Variants in MLIP observed in about 807,000 individuals in gnomAD.
MLIP encodes the protein muscular LMNA-interacting protein.
A neutral mutation model predicts 84.8 loss-of-function variants in MLIP; 79 were observed. The observed-to-expected ratio is 0.93, with a 90% CI of 0.78 to 1.12. The LOEUF is 1.12. Ranked by LOEUF, MLIP falls within the 50% of genes most tolerant of loss-of-function variation. The pLI is 0.00. For missense variants in MLIP, 1,257 were observed against 1,160.6 expected (o/e 1.08, Z -1.21); for synonymous variants, 504 against 463.0 (o/e 1.09, Z -1.14).
chr6:54,126,406 A>T (rs980407030), intron 3 of MLIP, among the ~76,000 whole-genome samples: 7 of 152,074 alleles, frequency 4.6e-5, no homozygotes, highest in South Asian at 2.1e-4. Flanking sequence ...AAAAAAGGTT[A>T]TTTAGGAGCA....
At chr6:54,141,724 T>C (rs1258400841) in intron 4 of MLIP, among the ~76,000 whole-genome samples, 5 of 152,220 alleles carry the variant, frequency 3.3e-5, no homozygotes, top group Non-Finnish European at 7.3e-5. Context: ...TGCCTTCATT[T>C]ATAAAAGAAT....
intron 12 of MLIP, among the ~76,000 whole-genome samples, 200 bp downstream of exon 12, chr6:54,231,117 A>G (rs749753705): frequency 1.3e-4 from 20 of 148,574 alleles, no homozygotes; most frequent in Non-Finnish European, 2.5e-4. Flanking sequence ...GAAATAATAA[A>G]CATTTATATA....
intron 1 of MLIP, among the ~76,000 whole-genome samples, chr6:54,082,353 T>G (rs936194671): frequency 6.6e-6 from 1 of 152,220 alleles, no homozygotes; most frequent in Non-Finnish European, 1.5e-5. Flanking sequence ...TTGGCCAGTT[T>G]GGAGGAACTG....
At chr6:54,210,137 T>TCACCA (rs1554185042) in intron 11 of MLIP, among the ~76,000 whole-genome samples, 1 of 151,744 alleles carries the variant, frequency 6.6e-6, no homozygotes, top group Non-Finnish European at 1.5e-5. Flanking sequence ...CCACCTCACC[T>TCACCA]CACCGCACCG....
chr6:54,198,084 T>A (rs755272000), intron 10 of MLIP, among the ~76,000 whole-genome samples: 23 of 152,110 alleles, frequency 1.5e-4, no homozygotes, highest in Non-Finnish European at 1.9e-4. Flanking sequence ...CTTAGAAAGA[T>A]CTATCTCTAC....
intron 1 of MLIP, among the ~76,000 whole-genome samples, chr6:54,077,037 C>T (rs1451377811): frequency 6.6e-6 from 1 of 152,170 alleles, no homozygotes; most frequent in Non-Finnish European, 1.5e-5. Flanking sequence ...AGAACAAATA[C>T]TGAGAGAACC....
chr6:54,080,642 AT>A lies in MLIP; in HGVS notation c.64-40800del, dbSNP rs1284359654. Reference sequence around the variant, plus strand: ...ACACATTTTTTGTCTGAGAAAACATATTTTTATATATAAATTGTTACATATG... The same window carrying A: ...ACACATTTTTTGTCTGAGAAAACATATTTTATATATAAATTGTTACATATG... On this transcript the variant is annotated intron_variant, in intron 1 of 12. Coordinates refer to the MLIP transcript ENST00000274897. Among the ~76,000 whole-genome samples the A allele has an allele frequency of 2.1e-4, 29 of 139,916 alleles. No individual in the cohort carries two copies. In the East Asian group the frequency reaches 5.6e-3, roughly 27 times the overall value. The allele number at this position is 139,916 out of a possible 152,430, so 91.8% of individuals were successfully genotyped here.
rs562250772 is a variant in MLIP at position 54,215,446 on chromosome 6, A to T, written c.2718+13213A>T. The T allele has an allele frequency of 5.5e-5, 64 of 1,173,962 alleles. No individual in the cohort carries two copies. The African/African-American group carries it at 8.4e-4, about 15-fold the overall frequency. 72.7% of individuals were successfully genotyped at this position (1,173,962 alleles called of 1,614,324 possible). A position where few individuals can be genotyped will look rare whatever the true frequency, so the allele number is the denominator to read the frequency against. ...TTTTTTAAAAGTATAATTTCTTTAA[A>T]TTTTTTCCAAGTGCTTTCATCTTTA... is the stretch of plus-strand genomic sequence containing the variant. On this transcript the variant is annotated intron_variant, in intron 11 of 13. Coordinates refer to ENST00000502396, the MANE Select transcript of MLIP (RefSeq NM_001281747.2).
At chr6:54,022,650 A>T (rs1763559114) in intron 1 of MLIP, among the ~76,000 whole-genome samples, 1 of 151,956 alleles carries the variant, frequency 6.6e-6, no homozygotes. Context: ...ACTTATATTT[A>T]CCTTCTACTG....
At chr6:54,026,918 T>C (rs995618705) in intron 1 of MLIP, among the ~76,000 whole-genome samples, 1 of 152,176 alleles carries the variant, frequency 6.6e-6, no homozygotes, top group African/African-American at 2.4e-5. Context: ...ATCTACAAAG[T>C]GAAAGGTTGG....
At chr6:54,186,939 C>G (rs1777452547) in intron 9 of MLIP, among the ~76,000 whole-genome samples, 1 of 152,060 alleles carries the variant, frequency 6.6e-6, no homozygotes, top group South Asian at 2.1e-4. Context: ...CACTGTGTAA[C>G]AAGTTTAAGA....
chr6:54,021,594 A>G (rs187776144), intron 1 of MLIP, among the ~76,000 whole-genome samples: 31 of 152,342 alleles, frequency 2.0e-4, no homozygotes, highest in Admixed American at 1.8e-3. Context: ...ATTCTTTGCT[A>G]CACATCCAAT....
intron 1 of MLIP, among the ~76,000 whole-genome samples, chr6:54,035,821 C>A (rs530228510): frequency 2.4e-4 from 36 of 151,796 alleles, no homozygotes; most frequent in African/African-American, 8.0e-4. Context: ...TTTTTGTTTT[C>A]TTCTTGTTAA....
Position 54,264,824 on chromosome 6 carries a change from T to G in MLIP, c.2977-1126T>G, listed in dbSNP as rs182193437. On this transcript the variant is annotated intron_variant, in intron 13 of 13. Coordinates refer to ENST00000502396, the MANE Select transcript of MLIP (RefSeq NM_001281747.2). ...TACTTCTTACTTTTTGCCTGTTGAT[T>G]TTCTATGGCCAGAACAAACCAGAGC... is the stretch of plus-strand genomic sequence containing the variant. Among the ~76,000 whole-genome samples, 53 of 152,218 alleles carry G rather than the reference T, an allele frequency of 3.5e-4. 1 individual carries two copies. The highest frequency in any genetic ancestry group is 6.6e-5 in the Admixed American group (1 of 15,252).
chr6:54,097,150 T>C (rs1768273057), intron 1 of MLIP, among the ~76,000 whole-genome samples: 1 of 152,206 alleles, frequency 6.6e-6, no homozygotes, highest in African/African-American at 2.4e-5. Context: ...AAATAGATGT[T>C]TGCTTTTTTC....
At chr6:54,083,225 G>A (rs1013441627) in intron 1 of MLIP, among the ~76,000 whole-genome samples, 1 of 152,038 alleles carries the variant, frequency 6.6e-6, no homozygotes, top group Non-Finnish European at 1.5e-5. Flanking sequence ...CATATTAAAT[G>A]TGACATAGTT....
rs577189250 is a variant in MLIP at position 54,095,894 on chromosome 6, G to A, written c.64-25553G>A. Among the ~76,000 whole-genome samples, 314 of 152,220 alleles carry A rather than the reference G, an allele frequency of 2.1e-3. 1 individual carries two copies. The highest frequency in any genetic ancestry group is 7.3e-3 in the African/African-American group (305 of 41,536). On this transcript the variant is annotated intron_variant, in intron 1 of 12. Transcript: ENST00000274897. ...TTGGAAGATTTTCCCCGAGAGCACG[G>A]TGTTCCTCATAATAAGCAAGTCAAA...
At chr6:54,253,293 A>G (rs1782767715) in intron 12 of MLIP, among the ~76,000 whole-genome samples, 1 of 152,156 alleles carries the variant, frequency 6.6e-6, no homozygotes, top group Non-Finnish European at 1.5e-5. Context: ...AAGTGGAGAG[A>G]CAGAAGCAGA....
intron 3 of MLIP, among the ~76,000 whole-genome samples, chr6:54,127,733 C>T (rs550655267): frequency 7.9e-5 from 12 of 152,168 alleles, no homozygotes; most frequent in Non-Finnish European, 1.6e-4. Flanking sequence ...ATGATAAACT[C>T]CCCAAGTGCT....
Sources: gnomAD v4.1 joint callset for allele counts (sites outside exome capture counted in the v4.1 genomes callset) on GRCh38, gnomAD v4.1.1 for gene constraint, MANE v1.5 for transcripts, NCBI Gene and HGNC (gene_info 2026-07-23, HGNC 2026-07-21) for gene names.